The following THSD7B variants were observed in gnomAD, a reference collection of about 807,000 sequenced individuals.
The protein encoded by THSD7B is thrombospondin type 1 domain containing 7B.
Under a neutral mutation model 213.6 loss-of-function variants are expected in THSD7B, and 138 were observed. That is an observed-to-expected ratio of 0.65 (90% confidence interval 0.56 to 0.74). The LOEUF (loss-of-function observed/expected upper bound fraction) is 0.74, where lower values mean the gene tolerates loss of function less well. Ranked by LOEUF, THSD7B falls within the 30% of genes least tolerant of loss-of-function variation. THSD7B has a pLI of 0.00. For synonymous variants in THSD7B, 742 were observed against 687.0 expected, an observed-to-expected ratio of 1.08 and a Z score of -1.25; for missense variants, 1,931 against 1,991.5, an observed-to-expected ratio of 0.97 and a Z score of 0.58.
chr2:136,907,010 T>C (rs937270588), intron 2 of THSD7B, among the ~76,000 whole-genome samples: 1 of 146,202 alleles, frequency 6.8e-6, no homozygotes, highest in Non-Finnish European at 1.5e-5. Flanking sequence ...AGTGGTGTGA[T>C]CTTGGCTCAC....
At chr2:136,894,996 G>C (rs1683930120) in intron 2 of THSD7B, among the ~76,000 whole-genome samples, 1 of 152,142 alleles carries the variant, frequency 6.6e-6, no homozygotes, top group African/African-American at 2.4e-5. Flanking sequence ...AGCTTTCTTA[G>C]AACTGACAGT....
chr2:137,140,302 A>G (rs1245094861), intron 5 of THSD7B, among the ~76,000 whole-genome samples: 4 of 152,156 alleles, frequency 2.6e-5, no homozygotes, highest in African/African-American at 9.6e-5. Flanking sequence ...TACTTCAGAA[A>G]GTTTATTTCT....
At position 137,143,918 on chromosome 2, in the gene THSD7B, C is replaced by A. The variant is rs563231570; in HGVS notation, c.1370-16295C>A. ...ATTTGTACATATTTCTGATGTACTG[C>A]CTGGTGGTTTTTTTTCCAGCTTTTA... is the stretch of plus-strand genomic sequence containing the variant. On this transcript the variant is annotated intron_variant, in intron 5 of 27. Transcript: ENST00000409968. Among the ~76,000 whole-genome samples, 6 of 151,940 alleles carry A rather than the reference C, an allele frequency of 3.9e-5. No individual in the cohort carries two copies. In the South Asian group the frequency reaches 1.0e-3, roughly 26 times the overall value.
chr2:136,822,703 G>T (rs981173705), intron 1 of THSD7B, among the ~76,000 whole-genome samples: 1 of 152,146 alleles, frequency 6.6e-6, no homozygotes, highest in African/African-American at 2.4e-5. Flanking sequence ...CCCATGGAAG[G>T]AGCTAGCGGA....
chr2:136,947,572 C>T (rs1684965989), intron 2 of THSD7B, among the ~76,000 whole-genome samples: 1 of 152,162 alleles, frequency 6.6e-6, no homozygotes, highest in African/African-American at 2.4e-5. Flanking sequence ...AGAGATTATT[C>T]TATTTGAAGA....
chr2:137,644,246 A>T (rs997044956), intron 21 of THSD7B, among the ~76,000 whole-genome samples: 2 of 152,212 alleles, frequency 1.3e-5, no homozygotes, highest in African/African-American at 4.8e-5. Flanking sequence ...TCTAGTTGGG[A>T]AGAAACTCTG....
intron 1 of THSD7B, among the ~76,000 whole-genome samples, chr2:136,849,085 T>C (rs1683055374): frequency 6.6e-6 from 1 of 152,174 alleles, no homozygotes; most frequent in African/African-American, 2.4e-5. Context: ...CAATCTGATA[T>C]CTTACATTGT....
intron 25 of THSD7B, 85 bp downstream of exon 25, chr2:137,659,831 C>A: frequency 1.5e-6 from 2 of 1,328,844 alleles, no homozygotes. Context: ...CCGGCTGCAG[C>A]CCAAGCAGCA....
intron 12 of THSD7B, among the ~76,000 whole-genome samples, chr2:137,340,007 T>C (rs945201179): frequency 2.6e-5 from 4 of 151,834 alleles, no homozygotes; most frequent in Non-Finnish European, 4.4e-5. Flanking sequence ...TGTCATAGGA[T>C]TGTTTTGATA....
chr2:137,186,613 G>A (rs909272570), intron 7 of THSD7B, among the ~76,000 whole-genome samples: 1 of 151,970 alleles, frequency 6.6e-6, no homozygotes, highest in Non-Finnish European at 1.5e-5. Context: ...GATTACTGTT[G>A]TCTTGTAGTG....
chr2:136,891,176 T>G (rs1006535352), intron 2 of THSD7B, among the ~76,000 whole-genome samples: 1 of 152,136 alleles, frequency 6.6e-6, no homozygotes, highest in Non-Finnish European at 1.5e-5. Flanking sequence ...AGTTTAATCT[T>G]TTTCCTTTCA....
chr2:137,585,874 GT>G (rs1002952874), intron 17 of THSD7B, among the ~76,000 whole-genome samples: 2 of 152,300 alleles, frequency 1.3e-5, no homozygotes, highest in African/African-American at 4.8e-5. Context: ...GCAGAGCTGA[GT>G]TCAATTCCTG....
chr2:137,202,551 C>T (rs568296010), intron 7 of THSD7B, among the ~76,000 whole-genome samples: 9 of 152,286 alleles, frequency 5.9e-5, no homozygotes, highest in Admixed American at 1.3e-4. Flanking sequence ...GTAGAGAGCA[C>T]GGCCCTGCCA....
chr2:137,027,697 C>G (rs1443422148), intron 2 of THSD7B, among the ~76,000 whole-genome samples: 1 of 152,154 alleles, frequency 6.6e-6, no homozygotes, highest in Non-Finnish European at 1.5e-5. Flanking sequence ...TCTAGGAGCA[C>G]AGGGACTTTT....
At chr2:136,939,097 T>G (rs1684777417) in intron 2 of THSD7B, among the ~76,000 whole-genome samples, 1 of 152,198 alleles carries the variant, frequency 6.6e-6, no homozygotes, top group African/African-American at 2.4e-5. Flanking sequence ...TAAATATCTT[T>G]TTTCAAGCAG....
intron 1 of THSD7B, among the ~76,000 whole-genome samples, chr2:136,867,909 A>G (rs1355931482): frequency 6.6e-6 from 1 of 152,254 alleles, no homozygotes; most frequent in Non-Finnish European, 1.5e-5. Flanking sequence ...TGATATAGCA[A>G]TAAAGACAAA....
At chr2:137,286,642 A>G (rs1302524058) in intron 12 of THSD7B, among the ~76,000 whole-genome samples, 2 of 151,724 alleles carry the variant, frequency 1.3e-5, no homozygotes, top group Non-Finnish European at 1.5e-5. Flanking sequence ...GGTTTGAACT[A>G]TGACTGAACA....
intron 14 of THSD7B, among the ~76,000 whole-genome samples, chr2:137,446,410 A>G (rs1199636534): frequency 6.6e-6 from 1 of 152,054 alleles, no homozygotes. Context: ...AAGTCCTTTC[A>G]TTCCAAGTCT....
rs114827330 is a variant in THSD7B, at chr2:137,261,766, C to T, written c.2267-10767C>T. On this transcript the variant is annotated intron_variant, in intron 10 of 27. Transcript: ENST00000409968. ...AGTTTGTATTCACAGAGTTATTTTC[C>T]TTTAGTCATGTTTTACAACCACCTC... Among the ~76,000 whole-genome samples, 905 of 152,004 alleles carry T rather than the reference C, an allele frequency of 6.0e-3. 9 individuals carry two copies. Among genetic ancestry groups the T allele is most frequent in the African/African-American group, 0.02 (822 of 41,470 alleles).
Sources: gnomAD v4.1 joint callset for allele counts (sites outside exome capture counted in the v4.1 genomes callset) on GRCh38, gnomAD v4.1.1 for gene constraint, MANE v1.5 for transcripts, NCBI Gene and HGNC (gene_info 2026-07-23, HGNC 2026-07-21) for gene names.